DERL1: variants seen among roughly 807,000 people sequenced by gnomAD.
The protein encoded by DERL1 is derlin 1, also known as derlin-1.
Under a neutral mutation model 41.6 loss-of-function variants are expected in DERL1, and 24 were observed. The observed-to-expected ratio is 0.58, with a 90% confidence interval of 0.42 to 0.81. The LOEUF (loss-of-function observed/expected upper bound fraction) is 0.81. Ranked by LOEUF, DERL1 falls within the 30% of genes least tolerant of loss-of-function variation. The probability of loss-of-function intolerance (pLI) is 0.00; values close to 1 mark genes in which losing one functional copy is unlikely to be tolerated. For synonymous variants in DERL1, 124 were observed against 112.5 expected, an observed-to-expected ratio of 1.10 and a Z score of -0.65; for missense variants, 260 against 314.3, an observed-to-expected ratio of 0.83 and a Z score of 1.31.
intron 7 of DERL1, chr8:123,015,834 T>C (rs1381976627): frequency 5.2e-6 from 2 of 383,848 alleles, no homozygotes; most frequent in East Asian, 4.5e-5. Flanking sequence ...ACTCTGAACG[T>C]TTTTTTCTCT....
intron 6 of DERL1, 32 bp from the exon 7 acceptor site, chr8:123,019,337 T>C (rs761924697): frequency 2.7e-6 from 4 of 1,493,376 alleles, no homozygotes; most frequent in Non-Finnish European, 3.7e-6. Context: ...TTTAAAGACA[T>C]TCAAGCAATA....
chr8:123,023,937 G>C (rs1812624070), intron 3 of DERL1, among the ~76,000 whole-genome samples, 198 bp from the exon 4 acceptor site: 1 of 152,238 alleles, frequency 6.6e-6, no homozygotes, highest in South Asian at 2.1e-4. Context: ...GGGCAACATA[G>C]CAAGACCCCA....
rs564695566 is a variant in DERL1, at chr8:123,041,572, G to C, written c.153+398C>G. 5.9e-5 allele frequency among the ~76,000 whole-genome samples: 9 copies of C among 152,354 alleles called. No individual in the cohort carries two copies. The South Asian group carries it at 1.9e-3, about 32-fold the overall frequency. On this transcript the variant is annotated intron_variant, in intron 1 of 7. Transcript: ENST00000259512. ...GAAAGGAACTCAGCTATAAGTTGGT[G>C]AAGTTGACACCTACAGGCCACCCAC...
At chr8:123,040,765 G>A (rs1056793009) in intron 1 of DERL1, among the ~76,000 whole-genome samples, 1 of 152,176 alleles carries the variant, frequency 6.6e-6, no homozygotes, top group Non-Finnish European at 1.5e-5. Flanking sequence ...ATTGTGGGGT[G>A]TGAGAAAAAC....
intron 1 of DERL1, among the ~76,000 whole-genome samples, chr8:123,040,404 C>A (rs931050743): frequency 6.6e-6 from 1 of 152,138 alleles, no homozygotes; most frequent in Non-Finnish European, 1.5e-5. Context: ...AGAGAAACAA[C>A]ATGTGCAAAG....
intron 1 of DERL1, among the ~76,000 whole-genome samples, chr8:123,037,596 G>A (rs1275982727): frequency 6.6e-6 from 1 of 152,148 alleles, no homozygotes; most frequent in African/African-American, 2.4e-5. Flanking sequence ...AATAGAAAAG[G>A]AAAAACAATT....
At position 123,019,888 on chromosome 8, in the gene DERL1, C is replaced by T. The variant is rs1321026124; in HGVS notation, c.507-583G>A. ...CCCTTGGCTTACATACAGGTCACCT[C>T]AAGAGTGTATAGATCTACTGTTACT... On this transcript the variant is annotated intron_variant, in intron 6 of 7. Coordinates refer to ENST00000259512, the MANE Select transcript of DERL1 (RefSeq NM_024295.6). Among the ~76,000 whole-genome samples, 4 of 152,190 alleles carry T rather than the reference C, an allele frequency of 2.6e-5. No individual in the cohort carries two copies. In the East Asian group the frequency reaches 5.8e-4, roughly 22 times the overall value.
chr8:123,026,062 C>A (rs1303760455), intron 2 of DERL1, among the ~76,000 whole-genome samples: 1 of 151,950 alleles, frequency 6.6e-6, no homozygotes, highest in Non-Finnish European at 1.5e-5. Context: ...CACCCCCTCA[C>A]AGTTACATGA....
chr8:123,032,570 T>C (rs996653179), intron 1 of DERL1, among the ~76,000 whole-genome samples: 25 of 152,356 alleles, frequency 1.6e-4, no homozygotes, highest in African/African-American at 5.8e-4. Flanking sequence ...GTATCCATGA[T>C]GTGTCATGTT....
chr8:123,025,174 T>A, intron 2 of DERL1, 124 bp from the exon 3 acceptor site: 1 of 993,522 alleles, frequency 1.0e-6, no homozygotes, highest in Non-Finnish European at 1.5e-6. Flanking sequence ...AAACCACTCC[T>A]CTCTAAAAAA....
At chr8:123,019,980 T>G (rs1051489649) in intron 6 of DERL1, among the ~76,000 whole-genome samples, 1 of 152,220 alleles carries the variant, frequency 6.6e-6, no homozygotes, top group African/African-American at 2.4e-5. Context: ...CACCTGCAAC[T>G]ACTTCAGACT....
At chr8:123,015,642 T>A in intron 7 of DERL1, 57 bp from the exon 8 acceptor site, 1 of 1,546,242 alleles carries the variant, frequency 6.5e-7, no homozygotes, top group Non-Finnish European at 8.7e-7. Flanking sequence ...CACTTCCACA[T>A]AGTTATCTGA....
At chr8:123,026,240 A>T (rs1812687661) in intron 2 of DERL1, among the ~76,000 whole-genome samples, 1 of 152,240 alleles carries the variant, frequency 6.6e-6, no homozygotes, top group Non-Finnish European at 1.5e-5. Flanking sequence ...CTAATGCTAG[A>T]GGATCACAAT....
At chr8:123,020,274 G>A (rs1814726191) in intron 6 of DERL1, among the ~76,000 whole-genome samples, 1 of 152,072 alleles carries the variant, frequency 6.6e-6, no homozygotes, top group Non-Finnish European at 1.5e-5. Flanking sequence ...GAGGTCAGAA[G>A]TTTGAGACCA....
rs1214401864 is a variant in DERL1 at position 123,013,843 on chromosome 8, G to A, written c.*1604C>T. 6.6e-6 allele frequency: 1 copy of A among 152,108 alleles called. No individual in the cohort carries two copies. The highest frequency in any genetic ancestry group is 1.5e-5 in the Non-Finnish European group (1 of 68,038). The allele number at this position is 152,108 out of a possible 1,614,324, so 9.4% of individuals were successfully genotyped here. ...CACAGATGAACAACAAAACATGACA[G>A]TTAAGGTTCAGACTCTCCCCACCTA... is the stretch of plus-strand genomic sequence containing the variant. On this transcript the variant is annotated 3_prime_UTR_variant, in exon 8 of 8. Transcript: ENST00000259512.
chr8:123,031,686 C>T (rs1812819796), intron 1 of DERL1, among the ~76,000 whole-genome samples: 1 of 152,130 alleles, frequency 6.6e-6, no homozygotes, highest in Non-Finnish European at 1.5e-5. Flanking sequence ...GTTACTATTA[C>T]TCATTCTTCT....
intron 1 of DERL1, among the ~76,000 whole-genome samples, chr8:123,035,033 T>C (rs1406353649): frequency 6.6e-6 from 1 of 152,222 alleles, no homozygotes; most frequent in Admixed American, 6.5e-5. Context: ...CGCTAACCAG[T>C]TTTTATAAAT....
chr8:123,024,089 C>T (rs908175281), intron 3 of DERL1, among the ~76,000 whole-genome samples: 2 of 152,128 alleles, frequency 1.3e-5, no homozygotes, highest in African/African-American at 4.8e-5. Flanking sequence ...TATGCATATT[C>T]CATTAGACGA....
At chr8:123,015,725 T>C in intron 7 of DERL1, 140 bp from the exon 8 acceptor site, 2 of 1,115,430 alleles carry the variant, frequency 1.8e-6, no homozygotes, top group Admixed American at 3.2e-5. Flanking sequence ...GGACGTCTTA[T>C]TTAACTTTGT....
Sources: gnomAD v4.1 joint callset for allele counts (sites outside exome capture counted in the v4.1 genomes callset) on GRCh38, gnomAD v4.1.1 for gene constraint, MANE v1.5 for transcripts, NCBI Gene and HGNC (gene_info 2026-07-23, HGNC 2026-07-21) for gene names.